CAPNS1: variants seen among roughly 807,000 people sequenced by gnomAD.
The protein encoded by CAPNS1 is calpain small subunit 1.
A neutral mutation model predicts 39.2 loss-of-function variants in CAPNS1; 32 were observed. That is an observed-to-expected ratio of 0.82 (90% CI 0.62 to 1.10). The LOEUF is 1.10. CAPNS1 is among the 50% of genes least tolerant of loss of function. The pLI, the probability that CAPNS1 is intolerant of heterozygous loss-of-function variation, is 0.00. For missense variants in CAPNS1, 353 were observed against 373.1 expected (o/e 0.95, Z 0.44); for synonymous variants, 153 against 136.2 (o/e 1.12, Z -0.86).
rs367819061 is a variant in CAPNS1 at position 36,142,612 on chromosome 19, G to T, written c.244-40G>T. The T allele has an allele frequency of 4.5e-6, 7 of 1,572,496 alleles. No individual in the cohort carries two copies. The Admixed American group carries it at 5.1e-5, about 11-fold the overall frequency. On this transcript the variant is annotated intron_variant, in intron 3 of 10. Transcript: ENST00000246533. ...TGGGTTTGGGGAGCCGTCCTGGCCG[G>T]GTTCCCCTCCCCCTGCTCTGAGCTC...
At chr19:36,145,651 A>G (rs1476774693) in intron 6 of CAPNS1, 155 bp from the exon 7 acceptor site, 14 of 604,368 alleles carry the variant, frequency 2.3e-5, no homozygotes, top group Non-Finnish European at 3.6e-5. Context: ...TAAAATGAAA[A>G]ATAAAACCGC....
Position 36,141,204 on chromosome 19 carries a change from G to A in CAPNS1, c.193G>A (p.Val65Ile). Residue 65 changes from valine (V) to isoleucine (I), a missense_variant, in exon 2 of 11, where the codon GTC (valine) becomes ATC (isoleucine). Val to Ile is a conservative substitution (Grantham distance 29). Coordinates refer to ENST00000246533, the MANE Select transcript of CAPNS1 (RefSeq NM_001749.4). ...GGTAMRILGG[V>I]ISAISEAAAQ... is the part of the protein sequence containing the mutation. Reference sequence around the variant, plus strand: ...AACGGCCATGCGCATCCTAGGCGGAGTCATCAGCGCCATCAGGTAAGGCGG... The same window carrying A: ...AACGGCCATGCGCATCCTAGGCGGAATCATCAGCGCCATCAGGTAAGGCGG... The A allele has an allele frequency of 1.3e-6, 2 of 1,485,038 alleles. No homozygotes were observed. The highest frequency in any genetic ancestry group is 1.5e-5 in the African/African-American group (1 of 68,282). 92.0% of individuals were successfully genotyped at this position (1,485,038 alleles called of 1,614,324 possible).
intron 6 of CAPNS1, chr19:36,145,500 G>A (rs1463208503): frequency 3.0e-5 from 9 of 298,336 alleles, no homozygotes; most frequent in Non-Finnish European, 5.1e-5. Context: ...CACCGTGCGT[G>A]GCCTATTAAG....
chr19:36,145,629 A>G (rs1304173956), intron 6 of CAPNS1, 177 bp from the exon 7 acceptor site: 3 of 589,336 alleles, frequency 5.1e-6, no homozygotes, highest in Non-Finnish European at 9.2e-6. Context: ...TGTAAGTGAC[A>G]ATATGTATGG....
intron 3 of CAPNS1, 62 bp from the exon 4 acceptor site, chr19:36,142,590 G>T: frequency 7.0e-7 from 1 of 1,419,286 alleles, no homozygotes; most frequent in Non-Finnish European, 9.9e-7. Flanking sequence ...GGGTACCTGG[G>T]TTTGGGGAGC....
At chr19:36,142,072 G>A (rs768411812) in intron 2 of CAPNS1, among the ~76,000 whole-genome samples, 2 of 152,134 alleles carry the variant, frequency 1.3e-5, no homozygotes, top group Non-Finnish European at 2.9e-5. Flanking sequence ...CCAGGGGACC[G>A]GTCTCTGGGT....
Position 36,141,039 on chromosome 19 carries a change from GGC to G in CAPNS1, c.30_31del (p.Gly11ArgfsTer80). On this transcript the variant is annotated frameshift_variant, in exon 2 of 11. Coordinates refer to ENST00000246533, the MANE Select transcript of CAPNS1 (RefSeq NM_001749.4). LOFTEE classifies it high-confidence loss of function. The stretch of plus-strand genomic sequence containing the variant: ...GTTCCTGGTTAACTCGTTCTTGAAG[GGC>G]GGCGGCGGCGGCGGCGGGGGAGGCG... MFLVNSFLK[G>X]GGGGGGGGGG... 1.4e-6 allele frequency: 2 copies of G among 1,387,586 alleles called. No homozygotes were observed. The highest frequency in any genetic ancestry group is 2.0e-6 in the Non-Finnish European group (2 of 1,025,346). 86.0% of individuals were successfully genotyped at this position (1,387,586 alleles called of 1,614,324 possible).
chr19:36,144,900 C>T (rs557241162), intron 6 of CAPNS1, among the ~76,000 whole-genome samples: 6 of 152,286 alleles, frequency 3.9e-5, no homozygotes, highest in Admixed American at 1.3e-4. Flanking sequence ...CAGTGTATAG[C>T]GCATAGTATG....
chr19:36,143,101 A>G lies in CAPNS1; in HGVS notation c.429A>G (p.Thr143=), dbSNP rs1188552125. ...AGACTGATGGTTTTGGCATTGACAC[A>G]TGTCGCAGCATGGTGGCCGTGATGG... ...DLKTDGFGID[T]CRSMVAVMDS... The change falls in exon 6 of 11, where the codon ACA becomes ACG. Residue 143 remains threonine, a synonymous_variant. Coordinates refer to ENST00000246533, the MANE Select transcript of CAPNS1 (RefSeq NM_001749.4). The G allele has an allele frequency of 6.2e-7, 1 of 1,614,140 alleles. No individual in the cohort carries two copies. Among genetic ancestry groups the G allele is most frequent in the Admixed American group, 1.7e-5 (1 of 60,032 alleles).
rs143521484 is a variant in CAPNS1, at chr19:36,144,813, C to T, written c.457-993C>T. On this transcript the variant is annotated intron_variant, in intron 6 of 10. Coordinates refer to ENST00000246533, the MANE Select transcript of CAPNS1 (RefSeq NM_001749.4). ...AACCAGGTTATTGAACCGCTCTGTG[C>T]CTCAGTTTCTCTCTCTGTAAAATGG... Among the ~76,000 whole-genome samples the T allele has an allele frequency of 1.2e-3, 185 of 152,312 alleles. 5 individuals carry two copies. The East Asian group carries it at 0.029, about 24-fold the overall frequency.
rs551914442 is a variant in CAPNS1, at chr19:36,146,073, T to C, written c.604+19T>C. 2 of 1,613,308 alleles carry C rather than the reference T, an allele frequency of 1.2e-6. No homozygotes were observed. The highest frequency in any genetic ancestry group is 1.1e-5 in the South Asian group (1 of 91,008). ...GCAGCAGGTATGGCTGGCAGGGACA[T>C]GCTGGGGCTGGGAGTGGGATGGGTG... On this transcript the variant is annotated intron_variant, in intron 8 of 10. Transcript: ENST00000246533.
chr19:36,147,764 T>TA (rs372416601), intron 9 of CAPNS1, among the ~76,000 whole-genome samples: 43 of 142,934 alleles, frequency 3.0e-4, no homozygotes, highest in South Asian at 4.5e-4. Context: ...GACTCCGTCT[T>TA]AAAAAAAAAA....
At chr19:36,145,725 C>A in intron 6 of CAPNS1, 81 bp from the exon 7 acceptor site, 4 of 1,247,192 alleles carry the variant, frequency 3.2e-6, no homozygotes, top group Non-Finnish European at 4.6e-6. Context: ...GCCCTGCTTG[C>A]TGTATCACCA....
Position 36,146,265 on chromosome 19 carries a change from A to G in CAPNS1, c.674A>G (p.Asp225Gly). The G allele has an allele frequency of 6.2e-7, 1 of 1,614,112 alleles. No homozygotes were observed. ...RRYSDESGNM[D>G]FDNFISCLVR... The stretch of plus-strand genomic sequence containing the variant: ...TACTCAGATGAAAGTGGGAACATGG[A>G]TTTTGACAACTTCATCAGCTGCTTG... The change falls in exon 9 of 11, where the codon GAT becomes GGT. Residue 225 changes from aspartate to glycine, a missense_variant. Transcript: ENST00000246533.
chr19:36,142,305 C>A lies in CAPNS1; in HGVS notation c.215C>A (p.Ala72Glu). 4 of 1,591,956 alleles carry A rather than the reference C, an allele frequency of 2.5e-6. No individual in the cohort carries two copies. Among genetic ancestry groups the A allele is most frequent in the Non-Finnish European group, 3.4e-6 (4 of 1,163,552 alleles). Residue 72 changes from alanine (A) to glutamate (E), a missense_variant, in exon 3 of 11, where the codon GCG becomes GAG. By Grantham distance (107) the Ala-to-Glu change is moderately radical. Transcript: ENST00000246533. ...TCCCCCTTATCTCTTCGCAGCGAGG[C>A]GGCTGCGCAGTACAACCCGGAGCCC... Reference protein sequence around the residue: ...LGGVISAISEAAAQYNPEPPP... With the variant: ...LGGVISAISEEAAQYNPEPPP...
chr19:36,144,954 T>A (rs1432798005), intron 6 of CAPNS1, among the ~76,000 whole-genome samples: 1 of 152,182 alleles, frequency 6.6e-6, no homozygotes, highest in East Asian at 1.9e-4. Flanking sequence ...TGGGTAGAGT[T>A]TTCAGCTTTG....
chr19:36,142,960 A>T lies in CAPNS1; in HGVS notation c.385A>T (p.Thr129Ser), dbSNP rs1206023304. ...ELMNILNKVV[T>S]RHPDLKTDGF... Reference sequence around the variant, plus strand: ...CATGAACATTCTCAATAAGGTTGTGACACGACGTAAGTGACCGGGGTTAAG... The same window carrying T: ...CATGAACATTCTCAATAAGGTTGTGTCACGACGTAAGTGACCGGGGTTAAG... The change falls in exon 5 of 11, where the codon ACA (threonine) becomes TCA (serine). Residue 129 changes from threonine to serine, a missense_variant. By Grantham distance (58) the Thr-to-Ser change is moderately conservative. Coordinates refer to ENST00000246533, the MANE Select transcript of CAPNS1 (RefSeq NM_001749.4). 1 of 1,614,164 alleles carries T rather than the reference A, an allele frequency of 6.2e-7. No individual in the cohort carries two copies. Among genetic ancestry groups the T allele is most frequent in the South Asian group, 1.1e-5 (1 of 91,086 alleles).
In CAPNS1 at chr19:36,145,735, A is replaced by G. The variant is rs58509998; in HGVS notation, c.457-71A>G. On this transcript the variant is annotated intron_variant, in intron 6 of 10. Coordinates refer to ENST00000246533, the MANE Select transcript of CAPNS1 (RefSeq NM_001749.4). ...TGGCTGCCCTGCTTGCTGTATCACC[A>G]TCGTGTCCACAGTGCATGTGATGCA... The G allele has an allele frequency of 3.8e-4, 518 of 1,350,350 alleles. 2 individuals are homozygous for G. In the African/African-American group the frequency reaches 6.6e-3, roughly 17 times the overall value. 83.6% of individuals were successfully genotyped at this position (1,350,350 alleles called of 1,614,324 possible). A position where few individuals can be genotyped will look rare whatever the true frequency, so the allele number is the denominator to read the frequency against.
intron 6 of CAPNS1, among the ~76,000 whole-genome samples, chr19:36,143,345 C>CT (rs1217727665): frequency 6.6e-6 from 1 of 152,156 alleles, no homozygotes; most frequent in Non-Finnish European, 1.5e-5. Flanking sequence ...CATAACCACC[C>CT]TGTTGGACAG....
Sources: allele counts gnomAD v4.1 joint callset (sites outside exome capture counted in the v4.1 genomes callset), GRCh38; gene constraint gnomAD v4.1.1; transcripts MANE v1.5; gene names NCBI Gene and HGNC (gene_info 2026-07-23, HGNC 2026-07-21).